Variants in C8orf34 observed in about 807,000 individuals in gnomAD.
The protein encoded by C8orf34 is uncharacterized protein C8orf34.
In C8orf34, 65 loss-of-function variants were observed where a neutral mutation model predicts 68.3. The observed-to-expected ratio is 0.95, with a 90% CI of 0.78 to 1.17. The LOEUF is 1.17. Among genes scored for constraint, C8orf34 ranks in the 50% most tolerant of loss-of-function variants. The pLI is 0.00. For synonymous variants in C8orf34, 244 were observed against 241.2 expected, an observed-to-expected ratio of 1.01 and a Z score of -0.11; for missense variants, 664 against 655.4, an observed-to-expected ratio of 1.01 and a Z score of -0.14.
chr8:68,375,099 A>G (rs900244323), intron 1 of C8orf34, among the ~76,000 whole-genome samples: 3 of 152,196 alleles, frequency 2.0e-5, no homozygotes, highest in Non-Finnish European at 4.4e-5. Flanking sequence ...ATCTGTGATT[A>G]CTTATCCACA....
At chr8:68,631,974 A>G (rs1818702828) in intron 7 of C8orf34, among the ~76,000 whole-genome samples, 1 of 152,198 alleles carries the variant, frequency 6.6e-6, no homozygotes, top group Non-Finnish European at 1.5e-5. Context: ...TAAAATTGGT[A>G]CCAGGAATGA....
chr8:68,407,575 G>A (rs931227767), intron 1 of C8orf34, among the ~76,000 whole-genome samples: 12 of 152,034 alleles, frequency 7.9e-5, no homozygotes, highest in Admixed American at 2.0e-4. Flanking sequence ...GGGTCTGTTC[G>A]TGAATTCTGA....
At chr8:68,593,995 A>G (rs919976837) in intron 7 of C8orf34, among the ~76,000 whole-genome samples, 3 of 152,120 alleles carry the variant, frequency 2.0e-5, no homozygotes, top group Non-Finnish European at 4.4e-5. Flanking sequence ...AAGGTAAGAG[A>G]TTATTTAATA....
intron 10 of C8orf34, among the ~76,000 whole-genome samples, chr8:68,739,932 A>G (rs1822233904): frequency 6.6e-6 from 1 of 151,980 alleles, no homozygotes; most frequent in Non-Finnish European, 1.5e-5. Flanking sequence ...CAGAATAGAG[A>G]GCCCAGAAAT....
chr8:68,357,389 A>C (rs1302537041), intron 1 of C8orf34, among the ~76,000 whole-genome samples: 2 of 152,248 alleles, frequency 1.3e-5, no homozygotes, highest in East Asian at 3.9e-4. Flanking sequence ...TTCGATTTTA[A>C]TTATAACCTT....
At chr8:68,742,586 T>C (rs1432110790) in intron 10 of C8orf34, among the ~76,000 whole-genome samples, 1 of 152,232 alleles carries the variant, frequency 6.6e-6, no homozygotes, top group Non-Finnish European at 1.5e-5. Flanking sequence ...TTGCTGTATT[T>C]TTAACACTTC....
rs11990040 is a variant in C8orf34, at chr8:68,593,527, G to A, written c.1106-46849G>A. 3.5e-3 allele frequency among the ~76,000 whole-genome samples: 533 copies of A among 151,764 alleles called. 5 individuals are homozygous for A. The highest frequency in any genetic ancestry group is 0.012 in the African/African-American group (507 of 41,424). On this transcript the variant is annotated intron_variant, in intron 7 of 13. Transcript: ENST00000518698. Reference sequence around the variant, plus strand: ...TATTAATATATTTTTCAATCTTTTAGCACTTACTGGTCTAGCAAAAATTTT... The same window carrying A: ...TATTAATATATTTTTCAATCTTTTAACACTTACTGGTCTAGCAAAAATTTT...
chr8:68,718,646 C>T (rs753110350), intron 9 of C8orf34, among the ~76,000 whole-genome samples: 76 of 152,248 alleles, frequency 5.0e-4, no homozygotes, highest in Non-Finnish European at 9.4e-4. Flanking sequence ...GAACTTGGCT[C>T]GGGAAGCGTA....
intron 4 of C8orf34, among the ~76,000 whole-genome samples, chr8:68,485,949 T>C (rs906364939): frequency 6.6e-6 from 1 of 151,908 alleles, no homozygotes; most frequent in Non-Finnish European, 1.5e-5. Context: ...CTTGAATTCA[T>C]ATTGGAAAGG....
chr8:68,371,018 C>T (rs1346876983), intron 1 of C8orf34, among the ~76,000 whole-genome samples: 1 of 151,900 alleles, frequency 6.6e-6, no homozygotes, highest in Non-Finnish European at 1.5e-5. Context: ...AAGAGGTATC[C>T]CATTGCAAAC....
chr8:68,439,631 G>A lies in C8orf34; in HGVS notation c.460G>A (p.Glu154Lys). 1 of 1,609,284 alleles carries A rather than the reference G, an allele frequency of 6.2e-7. No individual in the cohort carries two copies. Among genetic ancestry groups the A allele is most frequent in the Non-Finnish European group, 8.5e-7 (1 of 1,178,594 alleles). The change falls in exon 2 of 14, where the codon GAA becomes AAA. Residue 154 changes from glutamate to lysine, a missense_variant. Physicochemically the swap from Glu to Lys is moderately conservative, Grantham distance 56. Coordinates refer to ENST00000518698, the MANE Select transcript of C8orf34 (RefSeq NM_052958.4). ...TLSGSAALWA[E>K]SEKSESKGTR... is the part of the protein sequence containing the mutation. ...GTCTGGATCTGCAGCTCTATGGGCA[G>A]AAAGTGAAAAATCAGGTAAATGAAG...
At chr8:68,459,655 T>G (rs965080029) in intron 3 of C8orf34, among the ~76,000 whole-genome samples, 1 of 152,214 alleles carries the variant, frequency 6.6e-6, no homozygotes, top group East Asian at 1.9e-4. Flanking sequence ...ATCCCACTAC[T>G]GGGTATCTAC....
intron 1 of C8orf34, among the ~76,000 whole-genome samples, chr8:68,359,475 G>A (rs991097761): frequency 2.0e-5 from 3 of 152,170 alleles, no homozygotes; most frequent in Non-Finnish European, 4.4e-5. Context: ...CTGGCAGAGG[G>A]TGAGAGAAGA....
intron 7 of C8orf34, chr8:68,534,269 T>G (rs945621520): frequency 1.0e-6 from 1 of 985,306 alleles, no homozygotes; most frequent in Non-Finnish European, 1.2e-6. Context: ...TACATGCTGT[T>G]GGTCCCTTCC....
At chr8:68,490,789 G>T (rs994535929) in intron 5 of C8orf34, among the ~76,000 whole-genome samples, 1 of 152,098 alleles carries the variant, frequency 6.6e-6, no homozygotes, top group Non-Finnish European at 1.5e-5. Context: ...CAGAGCCATT[G>T]CCACCATTCT....
intron 8 of C8orf34, among the ~76,000 whole-genome samples, chr8:68,652,304 T>C (rs1418047693): frequency 6.6e-6 from 1 of 152,242 alleles, no homozygotes; most frequent in Admixed American, 6.5e-5. Context: ...TATTTATACA[T>C]TATGTATCTA....
At position 68,597,332 on chromosome 8, in the gene C8orf34, T is replaced by A. The variant is rs866037130; in HGVS notation, c.1106-43044T>A. ...TTGGTGTTCAGACTGTTCTTATGGC[T>A]GGGATTTTTAAAATATGTATGAAGT... On this transcript the variant is annotated intron_variant, in intron 7 of 13. Transcript: ENST00000518698. 2.0e-5 allele frequency among the ~76,000 whole-genome samples: 3 copies of A among 152,266 alleles called. No individual in the cohort carries two copies. The Middle Eastern group carries it at 0.01, about 518-fold the overall frequency.
At chr8:68,494,125 C>T (rs1442343357) in intron 5 of C8orf34, among the ~76,000 whole-genome samples, 1 of 152,164 alleles carries the variant, frequency 6.6e-6, no homozygotes, top group East Asian at 1.9e-4. Context: ...CCAATGTTCA[C>T]TGACAGATGA....
chr8:68,597,391 G>A, intron 7 of C8orf34, among the ~76,000 whole-genome samples: 1 of 152,002 alleles, frequency 6.6e-6, no homozygotes, highest in East Asian at 1.9e-4. Context: ...TGATTTTGTA[G>A]GGAATGTCTT....
Sources: gnomAD v4.1 joint callset for allele counts (sites outside exome capture counted in the v4.1 genomes callset) on GRCh38, gnomAD v4.1.1 for gene constraint, MANE v1.5 for transcripts, NCBI Gene and HGNC (gene_info 2026-07-23, HGNC 2026-07-21) for gene names.